The following CACNB2 variants were observed in gnomAD, a reference collection of about 807,000 sequenced individuals.
The protein encoded by CACNB2 is voltage-dependent L-type calcium channel subunit beta-2.
In CACNB2, 42 loss-of-function variants were observed where a neutral mutation model predicts 73.3. The observed-to-expected ratio is 0.57, with a 90% CI of 0.45 to 0.74. The LOEUF is 0.74. Among genes scored for constraint, CACNB2 ranks in the 30% least tolerant of loss-of-function variants. The pLI, the probability that CACNB2 is intolerant of heterozygous loss-of-function variation, is 0.00. For missense variants in CACNB2, 940 were observed against 853.0 expected (o/e 1.10, Z -1.27); for synonymous variants, 348 against 310.3 (o/e 1.12, Z -1.28).
At chr10:18,219,523 G>A (rs1818979458) in intron 2 of CACNB2, among the ~76,000 whole-genome samples, 2 of 152,198 alleles carry the variant, frequency 1.3e-5, no homozygotes, top group South Asian at 4.1e-4. Flanking sequence ...CTATAGCCCT[G>A]GGACAAGTTG....
At chr10:18,173,046 G>A (rs747426042) in intron 2 of CACNB2, among the ~76,000 whole-genome samples, 5 of 150,116 alleles carry the variant, frequency 3.3e-5, no homozygotes, top group Non-Finnish European at 4.4e-5. Context: ...TCAGCCTACC[G>A]AGTAGCTGGG....
intron 2 of CACNB2, among the ~76,000 whole-genome samples, chr10:18,279,100 C>A (rs2131686743): frequency 6.6e-6 from 1 of 152,274 alleles, no homozygotes; most frequent in South Asian, 2.1e-4. Context: ...CATTCCTTCA[C>A]CCATTTCTTA....
intron 2 of CACNB2, among the ~76,000 whole-genome samples, chr10:18,183,003 T>C (rs945700131): frequency 2.0e-5 from 3 of 152,130 alleles, no homozygotes; most frequent in Non-Finnish European, 4.4e-5. Context: ...AACATCTTTT[T>C]TTTTTTAATT....
At chr10:18,204,613 C>T (rs2035016274) in intron 2 of CACNB2, among the ~76,000 whole-genome samples, 2 of 152,022 alleles carry the variant, frequency 1.3e-5, no homozygotes, top group Admixed American at 1.3e-4. Flanking sequence ...TATGTGTGGC[C>T]TTAGGCCACA....
At chr10:18,403,907 T>A (rs1226304564) in intron 3 of CACNB2, among the ~76,000 whole-genome samples, 4 of 151,842 alleles carry the variant, frequency 2.6e-5, no homozygotes, top group Non-Finnish European at 5.9e-5. Flanking sequence ...GAATAAAACC[T>A]ATTTGATAGC....
intron 2 of CACNB2, among the ~76,000 whole-genome samples, chr10:18,278,743 G>T (rs1018958464): frequency 6.6e-6 from 1 of 151,936 alleles, no homozygotes. Flanking sequence ...CTTCTAGGGC[G>T]CAGTGACCAC....
At chr10:18,250,815 A>G (rs1045982811) in intron 2 of CACNB2, among the ~76,000 whole-genome samples, 5 of 151,710 alleles carry the variant, frequency 3.3e-5, no homozygotes, top group Non-Finnish European at 7.4e-5. Context: ...TTATGCTCCA[A>G]CTCCCTCCCA....
At chr10:18,345,009 T>C (rs2041389778) in intron 2 of CACNB2, among the ~76,000 whole-genome samples, 2 of 152,258 alleles carry the variant, frequency 1.3e-5, no homozygotes, top group South Asian at 2.1e-4. Flanking sequence ...GATCACTGTT[T>C]AATCAGCATA....
At chr10:18,532,676 CAAAAAAAAA>C (rs1219587375) in intron 10 of CACNB2, among the ~76,000 whole-genome samples, 12 of 92,556 alleles carry the variant, frequency 1.3e-4, no homozygotes, top group South Asian at 3.4e-4. Flanking sequence ...GACTCTGTCT[CAAAAAAAAA>C]AAAAAAAAAA....
chr10:18,470,331 TGTATA>T (rs1226651780), intron 3 of CACNB2, among the ~76,000 whole-genome samples: 2 of 149,238 alleles, frequency 1.3e-5, no homozygotes, highest in East Asian at 1.9e-4. Flanking sequence ...TTGTATATAA[TGTATA>T]GTATATATCA....
rs566235216 is a variant in CACNB2, at chr10:18,307,026, G to T, written c.214-94898G>T. Among the ~76,000 whole-genome samples the T allele has an allele frequency of 9.9e-5, 15 of 152,156 alleles. No homozygotes were observed. The South Asian group carries it at 3.1e-3, about 32-fold the overall frequency. On this transcript the variant is annotated intron_variant, in intron 2 of 13. Coordinates refer to ENST00000324631, the MANE Select transcript of CACNB2 (RefSeq NM_201596.3). Reference sequence around the variant, plus strand: ...GGAAGTGAAAGTTCCTCTAGAAGAGGAAAGACAAGGTCCAAGGGTAAAGGC... The same window carrying T: ...GGAAGTGAAAGTTCCTCTAGAAGAGTAAAGACAAGGTCCAAGGGTAAAGGC...
chr10:18,447,067 A>T (rs1215121409), intron 3 of CACNB2, among the ~76,000 whole-genome samples: 2 of 152,090 alleles, frequency 1.3e-5, no homozygotes, highest in Admixed American at 6.5e-5. Context: ...CTCAAAAAAA[A>T]AAAATAAATA....
intron 2 of CACNB2, among the ~76,000 whole-genome samples, chr10:18,356,015 G>A (rs2041894793): frequency 1.3e-5 from 2 of 152,208 alleles, no homozygotes; most frequent in South Asian, 4.2e-4. Context: ...ACAACTTTCT[G>A]GAAGGTTTCT....
At position 18,518,413 on chromosome 10, in the gene CACNB2, C is replaced by T. The variant is rs757776638; in HGVS notation, c.882C>T (p.Tyr294=). Residue 294 remains tyrosine, a synonymous_variant, in exon 8 of 14, where the codon TAC becomes TAT. Transcript: ENST00000324631. The part of the protein sequence containing the change: ...VVLVGPSLKG[Y]EVTDMMQKAL... ...TAGTGGGCCCTTCTCTGAAGGGCTACGAGGTGGGTAGCAGCCTTCCACAGG... is the reference window on the plus strand; with the variant it reads ...TAGTGGGCCCTTCTCTGAAGGGCTATGAGGTGGGTAGCAGCCTTCCACAGG... 5 of 1,601,534 alleles carry T rather than the reference C, an allele frequency of 3.1e-6. No homozygotes were observed. The highest frequency in any genetic ancestry group is 1.3e-5 in the African/African-American group (1 of 74,630).
At position 18,540,293 on chromosome 10, in the gene CACNB2, A is replaced by C. The variant is rs564234939; in HGVS notation, c.*569A>C. On this transcript the variant is annotated 3_prime_UTR_variant, in exon 14 of 14. Coordinates refer to ENST00000324631, the MANE Select transcript of CACNB2 (RefSeq NM_201596.3). ...TGTGTACTGTATAGACAGTTTGTAA[A>C]TGTTATTTCTGCAAACAAACACCTT... The C allele has an allele frequency of 1.3e-5, 2 of 151,944 alleles. No homozygotes were observed. The highest frequency in any genetic ancestry group is 1.9e-4 in the East Asian group (1 of 5,162). 9.4% of individuals were successfully genotyped at this position (151,944 alleles called of 1,614,324 possible). A position where few individuals can be genotyped will look rare whatever the true frequency, so the allele number is the denominator to read the frequency against.
chr10:18,521,856 C>T (rs2051920796), intron 9 of CACNB2, among the ~76,000 whole-genome samples: 1 of 152,196 alleles, frequency 6.6e-6, no homozygotes, highest in African/African-American at 2.4e-5. Flanking sequence ...TCCTTTCCTC[C>T]TCCCATCCTA....
intron 2 of CACNB2, among the ~76,000 whole-genome samples, chr10:18,178,620 A>G (rs1564320474): frequency 6.6e-6 from 1 of 152,102 alleles, no homozygotes; most frequent in African/African-American, 2.4e-5. Flanking sequence ...TGCTTGTTTC[A>G]TTTAGCATGG....
intron 2 of CACNB2, among the ~76,000 whole-genome samples, chr10:18,152,847 G>A (rs2031719311): frequency 6.6e-6 from 1 of 150,740 alleles, no homozygotes; most frequent in Non-Finnish European, 1.5e-5. Flanking sequence ...TTTCAAATAA[G>A]CAAGACATAA....
chr10:18,466,661 A>C (rs1271031524), intron 3 of CACNB2, among the ~76,000 whole-genome samples: 1 of 152,172 alleles, frequency 6.6e-6, no homozygotes, highest in Non-Finnish European at 1.5e-5. Flanking sequence ...GATACTAGCA[A>C]TTTCTGAAGG....
Sources: gnomAD v4.1 joint callset for allele counts (sites outside exome capture counted in the v4.1 genomes callset) on GRCh38, gnomAD v4.1.1 for gene constraint, MANE v1.5 for transcripts, NCBI Gene and HGNC (gene_info 2026-07-23, HGNC 2026-07-21) for gene names.